Variants in BUB3 observed in about 807,000 individuals in gnomAD.
BUB3 encodes mitotic checkpoint protein BUB3.
A neutral mutation model predicts 39.9 loss-of-function variants in BUB3; 22 were observed. That is an observed-to-expected ratio of 0.55 (90% CI 0.39 to 0.79). The LOEUF (loss-of-function observed/expected upper bound fraction) is 0.79. Among genes scored for constraint, BUB3 ranks in the 30% least tolerant of loss-of-function variants. BUB3 has a pLI of 0.00. For missense variants in BUB3, 303 were observed against 415.4 expected, an observed-to-expected ratio of 0.73 and a Z score of 2.35; for synonymous variants, 168 against 155.1, an observed-to-expected ratio of 1.08 and a Z score of -0.62.
intron 4 of BUB3, among the ~76,000 whole-genome samples, chr10:123,158,342 C>T (rs1199134790): frequency 2.0e-5 from 3 of 152,104 alleles, no homozygotes; most frequent in Non-Finnish European, 4.4e-5. Flanking sequence ...TTTTATGTTC[C>T]CTGGCTTGTA....
rs760984169 is a variant in BUB3, at chr10:123,162,907, G to C, written c.971+79G>C. 6.4e-5 allele frequency: 87 copies of C among 1,355,250 alleles called. 1 individual carries two copies. Among genetic ancestry groups the C allele is most frequent in the Non-Finnish European group, 8.9e-5 (86 of 963,804 alleles). The allele number at this position is 1,355,250 out of a possible 1,614,324, so 84.0% of individuals were successfully genotyped here. Reference sequence around the variant, plus strand: ...ATTAATTTTTCTAAATTCATGAATAGCATTGTTGATGCCTGCTCGATATTA... The same window carrying C: ...ATTAATTTTTCTAAATTCATGAATACCATTGTTGATGCCTGCTCGATATTA... On this transcript the variant is annotated intron_variant, in intron 7 of 7. Transcript: ENST00000368865.
intron 4 of BUB3, among the ~76,000 whole-genome samples, chr10:123,159,036 T>C (rs1259313538): frequency 6.6e-6 from 1 of 152,226 alleles, no homozygotes; most frequent in Non-Finnish European, 1.5e-5. Flanking sequence ...TTCTGGATTC[T>C]TTATTTTTAA....
At chr10:123,161,109 GGTCACCTT>G (rs1844417503) in intron 5 of BUB3, among the ~76,000 whole-genome samples, 1 of 151,764 alleles carries the variant, frequency 6.6e-6, no homozygotes, top group Non-Finnish European at 1.5e-5. Flanking sequence ...GTACAGGGTG[GGTCACCTT>G]CCATCATCGC....
In BUB3 at chr10:123,168,659, C is replaced by T. The variant is rs1323353501; in HGVS notation, c.*4824C>T. ...CCGCCTCTCGGGTTCAAGCAATTCT[C>T]CTGCCTCAGCCACCCGAGTAGTTGG... On this transcript the variant is annotated 3_prime_UTR_variant, in exon 8 of 8. Coordinates refer to ENST00000368865, the MANE Select transcript of BUB3 (RefSeq NM_004725.4). 2.0e-5 allele frequency: 3 copies of T among 152,154 alleles called. No individual in the cohort carries two copies. The highest frequency in any genetic ancestry group is 4.4e-5 in the Non-Finnish European group (3 of 68,042). 9.4% of individuals were successfully genotyped at this position (152,154 alleles called of 1,614,324 possible). A position where few individuals can be genotyped will look rare whatever the true frequency, so the allele number is the denominator to read the frequency against.
rs1844443262 is a variant in BUB3 at position 123,162,829 on chromosome 10, G to A, written c.971+1G>A. 1.9e-6 allele frequency: 3 copies of A among 1,609,978 alleles called. No homozygotes were observed. The highest frequency in any genetic ancestry group is 1.3e-5 in the African/African-American group (1 of 74,730). On this transcript the variant is annotated splice_donor_variant, in intron 7 of 7. Transcript: ENST00000368865. LOFTEE classifies it high-confidence loss of function. ...TGACAGATGCAGAAACAAAACCCAA[G>A]TGAGTATGCTTCACCTGTATTTGAG...
chr10:123,164,870 A>G lies in BUB3; in HGVS notation c.*1035A>G, dbSNP rs920567506. The G allele has an allele frequency of 2.9e-6, 4 of 1,363,838 alleles. No homozygotes were observed. In the African/African-American group the frequency reaches 4.4e-5, roughly 15 times the overall value. The allele number at this position is 1,363,838 out of a possible 1,614,324, so 84.5% of individuals were successfully genotyped here. A position where few individuals can be genotyped will look rare whatever the true frequency, so the allele number is the denominator to read the frequency against. On this transcript the variant is annotated 3_prime_UTR_variant, in exon 8 of 8. Coordinates refer to ENST00000368865, the MANE Select transcript of BUB3 (RefSeq NM_004725.4). Reference sequence around the variant, plus strand: ...TTGTCAAACTTTAAAATTTATATTAATTTGCAAATGTATGTCTCTGAGTAG... The same window carrying G: ...TTGTCAAACTTTAAAATTTATATTAGTTTGCAAATGTATGTCTCTGAGTAG...
In BUB3 at chr10:123,169,804, G is replaced by A. The variant is rs1259212415; in HGVS notation, c.*5969G>A. ...TCTTAGAGTCCAGCCTTTGAACCTG[G>A]CGCTGAATCCTGACTTTACTGCTTA... On this transcript the variant is annotated 3_prime_UTR_variant, in exon 8 of 8. Coordinates refer to ENST00000368865, the MANE Select transcript of BUB3 (RefSeq NM_004725.4). 1 of 152,190 alleles carries A rather than the reference G, an allele frequency of 6.6e-6. No individual in the cohort carries two copies. The highest frequency in any genetic ancestry group is 1.5e-5 in the Non-Finnish European group (1 of 68,040). The allele number at this position is 152,190 out of a possible 1,614,324, so 9.4% of individuals were successfully genotyped here.
Position 123,157,987 on chromosome 10 carries a change from TG to T in BUB3, c.417+113del, listed in dbSNP as rs796942021. On this transcript the variant is annotated intron_variant, in intron 4 of 7. Coordinates refer to ENST00000368865, the MANE Select transcript of BUB3 (RefSeq NM_004725.4). ...TGAATTTAAAGGTGAAAAGTCAACA[TG>T]GGGGGAAAAAAGGTTGACAGTTGGT... The T allele has an allele frequency of 1.4e-4, 175 of 1,219,216 alleles. No individual in the cohort carries two copies. In the African/African-American group the frequency reaches 1.6e-3, roughly 11 times the overall value. The allele number at this position is 1,219,216 out of a possible 1,614,324, so 75.5% of individuals were successfully genotyped here.
chr10:123,162,245 T>G lies in BUB3; in HGVS notation c.586T>G (p.Leu196Val). Residue 196 changes from leucine to valine, a missense_variant, in exon 6 of 8, where the codon TTA becomes GTA. Physicochemically the swap from Leu to Val is conservative, Grantham distance 32. This residue lies in a region of BUB3 where 182 missense variants were observed against 293.1 expected (regional missense o/e 0.62). Transcript: ENST00000368865. ...RAFPNKQGYV[L>V]SSIEGRVAVE... ...GGTTCTCTCTTGGCAGGGTTATGTA[T>G]TAAGCTCTATTGAAGGCCGAGTGGC... 1 of 1,613,786 alleles carries G rather than the reference T, an allele frequency of 6.2e-7. No individual in the cohort carries two copies.
In BUB3 at chr10:123,160,574, C is replaced by A; in HGVS notation, c.576+9C>A. 6.4e-7 allele frequency: 1 copy of A among 1,554,462 alleles called. No homozygotes were observed. ...CGTTTCCAAACAAGCAGGTATTGAA[C>A]TATACCTCCTCTTCTTTCTGGAATT... On this transcript the variant is annotated intron_variant, in intron 5 of 7. Transcript: ENST00000368865.
Position 123,168,125 on chromosome 10 carries a change from GA to G in BUB3, c.*4292del, listed in dbSNP as rs1844511672. On this transcript the variant is annotated 3_prime_UTR_variant, in exon 8 of 8. Transcript: ENST00000368865. ...CCTATGTCATTTTTTTATGTGGTGAGAATAAATAATCTCAGCAAATTTCAAG... is the reference window on the plus strand; with the variant it reads ...CCTATGTCATTTTTTTATGTGGTGAGATAAATAATCTCAGCAAATTTCAAG... 1 of 152,060 alleles carries G rather than the reference GA, an allele frequency of 6.6e-6. No individual in the cohort carries two copies. The allele number at this position is 152,060 out of a possible 1,614,324, so 9.4% of individuals were successfully genotyped here. A position where few individuals can be genotyped will look rare whatever the true frequency, so the allele number is the denominator to read the frequency against.
In BUB3 at chr10:123,154,947, C is replaced by T. The variant is rs188593398; in HGVS notation, c.30C>T (p.Asn10=). The T allele has an allele frequency of 2.4e-5, 38 of 1,614,050 alleles. No individual in the cohort carries two copies. The East Asian group carries it at 8.5e-4, about 36-fold the overall frequency. ...CCGGTTCTAACGAGTTCAAGCTGAA[C>T]CAGCCACCCGAGGATGGCATCTCCT... is the stretch of plus-strand genomic sequence containing the variant. The part of the protein sequence containing the change: MTGSNEFKL[N]QPPEDGISSV... The change falls in exon 2 of 8, where the codon AAC becomes AAT. Residue 10 remains asparagine, a synonymous_variant. Coordinates refer to ENST00000368865, the MANE Select transcript of BUB3 (RefSeq NM_004725.4).
chr10:123,161,682 A>G (rs1844425698), intron 5 of BUB3, among the ~76,000 whole-genome samples: 1 of 152,224 alleles, frequency 6.6e-6, no homozygotes, highest in Non-Finnish European at 1.5e-5. Context: ...TGTCATTTCA[A>G]CGAAAGATGA....
chr10:123,168,220 T>G lies in BUB3; in HGVS notation c.*4385T>G, dbSNP rs1279796026. 6.6e-6 allele frequency: 1 copy of G among 152,382 alleles called. No homozygotes were observed. The highest frequency in any genetic ancestry group is 2.4e-5 in the African/African-American group (1 of 41,594). The allele number at this position is 152,382 out of a possible 1,614,324, so 9.4% of individuals were successfully genotyped here. A position where few individuals can be genotyped will look rare whatever the true frequency, so the allele number is the denominator to read the frequency against. ...AGGGCTCCAGAACTTACTCATCTCA[T>G]AGGAGGCAGCTACTTTTAACATTCT... On this transcript the variant is annotated 3_prime_UTR_variant, in exon 8 of 8. Transcript: ENST00000368865.
In BUB3 at chr10:123,164,456, A is replaced by G; in HGVS notation, c.*621A>G. 1.0e-6 allele frequency: 1 copy of G among 985,666 alleles called. No individual in the cohort carries two copies. Among genetic ancestry groups the G allele is most frequent in the Non-Finnish European group, 1.2e-6 (1 of 830,128 alleles). 61.1% of individuals were successfully genotyped at this position (985,666 alleles called of 1,614,324 possible). Reference sequence around the variant, plus strand: ...AGGAAAACTAATAAGAAAACCTCCTAATATCATTTTGTGACTGTAAACAAT... The same window carrying G: ...AGGAAAACTAATAAGAAAACCTCCTGATATCATTTTGTGACTGTAAACAAT... On this transcript the variant is annotated 3_prime_UTR_variant, in exon 8 of 8. Transcript: ENST00000368865.
chr10:123,160,596 A>G (rs1294164813), intron 5 of BUB3, 31 bp downstream of exon 5: 5 of 1,501,604 alleles, frequency 3.3e-6, no homozygotes, highest in Non-Finnish European at 4.4e-6. Context: ...TTCTTTCTGG[A>G]ATTTGAAAAT....
At chr10:123,161,808 AGTT>A (rs1201158143) in intron 5 of BUB3, among the ~76,000 whole-genome samples, 1 of 151,720 alleles carries the variant, frequency 6.6e-6, no homozygotes, top group African/African-American at 2.4e-5. Context: ...CTGGTGTTCT[AGTT>A]GATTTGGATT....
intron 1 of BUB3, 76 bp from the exon 2 acceptor site, chr10:123,154,842 G>A: frequency 1.3e-6 from 2 of 1,485,668 alleles, no homozygotes; most frequent in Non-Finnish European, 1.8e-6. Flanking sequence ...CCTCTGGGGG[G>A]ACCCCCAGTG....
At chr10:123,163,372 A>G (rs1264874985) in intron 7 of BUB3, 1 of 163,670 alleles carries the variant, frequency 6.1e-6, no homozygotes, top group East Asian at 1.8e-4. Context: ...GAGAAGAGCC[A>G]TTTACATTTT....
Sources: gnomAD v4.1 joint callset for allele counts (sites outside exome capture counted in the v4.1 genomes callset) on GRCh38, gnomAD v4.1.1 for gene constraint, gnomAD v4.1.1 regional missense constraint, MANE v1.5 for transcripts, NCBI Gene and HGNC (gene_info 2026-07-23, HGNC 2026-07-21) for gene names.